PDS5A: variants seen among roughly 807,000 people sequenced by gnomAD.
PDS5A encodes PDS5 cohesin associated factor A.
A neutral mutation model predicts 167.1 loss-of-function variants in PDS5A; 42 were observed. That is an observed-to-expected ratio of 0.25 (90% confidence interval 0.20 to 0.33). The LOEUF (loss-of-function observed/expected upper bound fraction) is 0.33. Ranked by LOEUF, PDS5A falls within the 10% of genes least tolerant of loss-of-function variation. The probability of loss-of-function intolerance (pLI) is 1.00; values close to 1 mark genes in which losing one functional copy is unlikely to be tolerated. For missense variants in PDS5A, 1,033 were observed against 1,605.9 expected (o/e 0.64, Z 6.10); for synonymous variants, 553 against 554.6 (o/e 1.00, Z 0.04).
intron 23 of PDS5A, among the ~76,000 whole-genome samples, chr4:39,864,908 T>C (rs1403309163): frequency 2.0e-5 from 3 of 152,348 alleles, no homozygotes; most frequent in African/African-American, 7.2e-5. Flanking sequence ...ACCATTCCCC[T>C]ATTTTTTGTG....
intron 21 of PDS5A, among the ~76,000 whole-genome samples, chr4:39,872,436 G>A (rs960854819): frequency 1.3e-5 from 2 of 152,044 alleles, no homozygotes; most frequent in Admixed American, 6.5e-5. Context: ...AGGCCAAGGC[G>A]GACGGATCAC....
chr4:39,946,381 G>C (rs1727771283), intron 2 of PDS5A, among the ~76,000 whole-genome samples: 1 of 151,978 alleles, frequency 6.6e-6, no homozygotes, highest in South Asian at 2.1e-4. Context: ...TGAGAAACGG[G>C]TGGTGGGAAA....
At chr4:39,949,402 T>C (rs1728107885) in intron 2 of PDS5A, among the ~76,000 whole-genome samples, 1 of 151,730 alleles carries the variant, frequency 6.6e-6, no homozygotes, top group Non-Finnish European at 1.5e-5. Context: ...ATGATTCCAT[T>C]TATATGAAAT....
At chr4:39,835,464 G>A (rs1198679028) in intron 32 of PDS5A, among the ~76,000 whole-genome samples, 2 of 152,188 alleles carry the variant, frequency 1.3e-5, no homozygotes, top group African/African-American at 4.8e-5. Flanking sequence ...TGCTGTATAT[G>A]AGAGAAGGTC....
At chr4:39,853,443 C>T (rs1034965287) in intron 26 of PDS5A, among the ~76,000 whole-genome samples, 2 of 152,188 alleles carry the variant, frequency 1.3e-5, no homozygotes, top group African/African-American at 2.4e-5. Context: ...TTTTTAGCCA[C>T]TTCTTCACAG....
In PDS5A at chr4:39,823,673, G is replaced by A. The variant is rs1001146551; in HGVS notation, c.*1812C>T. The A allele has an allele frequency of 6.6e-6, 1 of 152,522 alleles. No homozygotes were observed. Among genetic ancestry groups the A allele is most frequent in the Admixed American group, 6.6e-5 (1 of 15,252 alleles). The allele number at this position is 152,522 out of a possible 1,614,324, so 9.4% of individuals were successfully genotyped here. On this transcript the variant is annotated 3_prime_UTR_variant, in exon 33 of 33. Coordinates refer to ENST00000303538, the MANE Select transcript of PDS5A (RefSeq NM_001100399.2). ...AGATACTCTTTTTCAGCATGTTGGA[G>A]GCAATATTTTATACTTTCTAAAGGG...
At chr4:39,891,698 T>C (rs772432053) in intron 16 of PDS5A, among the ~76,000 whole-genome samples, 100 of 152,032 alleles carry the variant, frequency 6.6e-4, no homozygotes, top group Non-Finnish European at 1.2e-3. Context: ...ACTTGCAAAA[T>C]TTTTCAGTTC....
intron 30 of PDS5A, among the ~76,000 whole-genome samples, chr4:39,844,157 A>G (rs1222248695): frequency 1.3e-5 from 2 of 152,038 alleles, no homozygotes; most frequent in South Asian, 2.1e-4. Flanking sequence ...CTCTTAAAAA[A>G]AAATTACATA....
At chr4:39,904,589 C>T (rs751270975) in intron 11 of PDS5A, among the ~76,000 whole-genome samples, 5 of 152,230 alleles carry the variant, frequency 3.3e-5, no homozygotes, top group Non-Finnish European at 7.3e-5. Flanking sequence ...GCCTCGGCCC[C>T]CCAAAGTGCT....
intron 32 of PDS5A, among the ~76,000 whole-genome samples, chr4:39,826,260 C>T (rs894539504): frequency 2.7e-5 from 4 of 150,630 alleles, no homozygotes; most frequent in Non-Finnish European, 5.9e-5. Context: ...GAGAGTGGGA[C>T]ATGGCCTCTT....
At chr4:39,925,212 C>CA (rs1410322058) in intron 5 of PDS5A, among the ~76,000 whole-genome samples, 2 of 152,010 alleles carry the variant, frequency 1.3e-5, no homozygotes, top group Non-Finnish European at 2.9e-5. Flanking sequence ...ACCCACAAAC[C>CA]AAAAAACATG....
At chr4:39,921,836 T>C (rs1435098742) in intron 6 of PDS5A, among the ~76,000 whole-genome samples, 1 of 152,208 alleles carries the variant, frequency 6.6e-6, no homozygotes, top group Non-Finnish European at 1.5e-5. Flanking sequence ...TCCTTTGCCA[T>C]AGTCTCAGAA....
At chr4:39,898,065 T>C (rs191290043) in intron 16 of PDS5A, 8 of 1,034,804 alleles carry the variant, frequency 7.7e-6, no homozygotes, top group Admixed American at 5.4e-5. Context: ...TTCTAATACA[T>C]GAAAGAAGAA....
At chr4:39,874,230 A>G in intron 20 of PDS5A, 59 bp downstream of exon 20, 1 of 1,451,098 alleles carries the variant, frequency 6.9e-7, no homozygotes, top group Non-Finnish European at 9.5e-7. Flanking sequence ...CATCTTCATC[A>G]AACTATAGAG....
intron 11 of PDS5A, among the ~76,000 whole-genome samples, chr4:39,904,596 T>C (rs1723159321): frequency 6.6e-6 from 1 of 152,244 alleles, no homozygotes; most frequent in Non-Finnish European, 1.5e-5. Context: ...CCCCCCAAAG[T>C]GCTGGGATTA....
At chr4:39,859,493 ATGTTTAAAGAT>A (rs1424311794) in intron 26 of PDS5A, among the ~76,000 whole-genome samples, 3 of 152,196 alleles carry the variant, frequency 2.0e-5, no homozygotes, top group Non-Finnish European at 4.4e-5. Flanking sequence ...TTTAAACATT[ATGTTTAAAGAT>A]ACACAAAAGT....
chr4:39,859,188 T>C (rs1273629238), intron 26 of PDS5A, among the ~76,000 whole-genome samples: 1 of 152,190 alleles, frequency 6.6e-6, no homozygotes, highest in African/African-American at 2.4e-5. Flanking sequence ...TTTTGCTATA[T>C]ATATTTACCA....
At chr4:39,852,466 T>G (rs1392992558) in intron 26 of PDS5A, among the ~76,000 whole-genome samples, 1 of 152,136 alleles carries the variant, frequency 6.6e-6, no homozygotes, top group East Asian at 1.9e-4. Context: ...ATCTTTTCAC[T>G]GAACTCTCTA....
chr4:39,906,279 G>A (rs1373288942), intron 11 of PDS5A, among the ~76,000 whole-genome samples: 1 of 151,860 alleles, frequency 6.6e-6, no homozygotes, highest in Non-Finnish European at 1.5e-5. Flanking sequence ...GAGGTGGGAG[G>A]ATCGCTTGAG....
Sources: allele counts gnomAD v4.1 joint callset (sites outside exome capture counted in the v4.1 genomes callset), GRCh38; gene constraint gnomAD v4.1.1; transcripts MANE v1.5; gene names NCBI Gene and HGNC (gene_info 2026-07-23, HGNC 2026-07-21).